ADCY9: variants seen among roughly 807,000 people sequenced by gnomAD.
ADCY9 encodes the protein adenylate cyclase type 9.
A neutral mutation model predicts 101.5 loss-of-function variants in ADCY9; 50 were observed. That is an observed-to-expected ratio of 0.49 (90% CI 0.39 to 0.62). The LOEUF is 0.62. Ranked by LOEUF, ADCY9 falls within the 20% of genes least tolerant of loss-of-function variation. ADCY9 has a pLI of 0.00. For synonymous variants in ADCY9, 905 were observed against 769.3 expected (o/e 1.18, Z -2.92); for missense variants, 1,662 against 1,800.4 (o/e 0.92, Z 1.39).
rs192137288 is a variant in ADCY9, at chr16:4,053,643, T to A, written c.1694-46085A>T. 1.9e-3 allele frequency among the ~76,000 whole-genome samples: 280 copies of A among 150,838 alleles called. 3 individuals are homozygous for A. Among genetic ancestry groups the A allele is most frequent in the Admixed American group, 3.3e-3 (50 of 15,054 alleles). The stretch of plus-strand genomic sequence containing the variant: ...TTTTGGAGACTGAAAATAACATTTT[T>A]AAAAAACTGCCAACCGGCAAGGTCA... On this transcript the variant is annotated intron_variant, in intron 2 of 10. Coordinates refer to ENST00000294016, the MANE Select transcript of ADCY9 (RefSeq NM_001116.4).
intron 2 of ADCY9, among the ~76,000 whole-genome samples, chr16:4,012,475 C>CAAAAAAA (rs35681254): frequency 7.2e-6 from 1 of 139,006 alleles, no homozygotes. Flanking sequence ...GCAGAAGGTC[C>CAAAAAAA]AAAAAAAAAA....
At chr16:4,080,095 A>G (rs1186301563) in intron 2 of ADCY9, among the ~76,000 whole-genome samples, 1 of 152,200 alleles carries the variant, frequency 6.6e-6, no homozygotes, top group African/African-American at 2.4e-5. Flanking sequence ...ATTAATTCAA[A>G]GAAATACTAT....
At chr16:3,968,219 G>A (rs527480006) in intron 10 of ADCY9, among the ~76,000 whole-genome samples, 3 of 151,674 alleles carry the variant, frequency 2.0e-5, no homozygotes, top group Non-Finnish European at 4.4e-5. Flanking sequence ...TACAACCTCC[G>A]CCTCCCGGGT....
Position 4,114,591 on chromosome 16 carries a change from C to T in ADCY9, c.852G>A (p.Arg284=). The T allele has an allele frequency of 6.2e-7, 1 of 1,613,894 alleles. No homozygotes were observed. The highest frequency in any genetic ancestry group is 8.5e-7 in the Non-Finnish European group (1 of 1,180,048). ...AGALHWELLS[R]GLLHGCIHAI... ...CGTGGATGCAGCCGTGGAGCAGCCC[C>T]CTGCTCAGCAGCTCCCAGTGCAGGG... is the stretch of plus-strand genomic sequence containing the variant. The change falls in exon 2 of 11, where the codon AGG becomes AGA. Residue 284 remains arginine (R), a synonymous_variant. Coordinates refer to ENST00000294016, the MANE Select transcript of ADCY9 (RefSeq NM_001116.4). The surrounding 1 kb of genome is among the most constrained non-coding windows in gnomAD (Gnocchi z 4.3).
intron 2 of ADCY9, among the ~76,000 whole-genome samples, chr16:4,108,059 G>A (rs964254098): frequency 2.0e-5 from 3 of 152,162 alleles, no homozygotes; most frequent in Non-Finnish European, 2.9e-5. Context: ...ATCACTCCCT[G>A]GTATTCCCCT....
intron 2 of ADCY9, among the ~76,000 whole-genome samples, chr16:4,049,199 A>G (rs1468118452): frequency 6.6e-6 from 1 of 152,200 alleles, no homozygotes; most frequent in Admixed American, 6.5e-5. Flanking sequence ...TCTGCTCCAA[A>G]CGGCCACGCA....
chr16:4,040,417 T>C lies in ADCY9; in HGVS notation c.1694-32859A>G, dbSNP rs558226252. ...ATATTTCCTGGTTTCCTCTTCTTCT[T>C]TACTTAACAAAGAACTGCTCATTAA... On this transcript the variant is annotated intron_variant, in intron 2 of 10. Coordinates refer to ENST00000294016, the MANE Select transcript of ADCY9 (RefSeq NM_001116.4). 7.2e-5 allele frequency among the ~76,000 whole-genome samples: 11 copies of C among 152,268 alleles called. No homozygotes were observed. The East Asian group carries it at 1.5e-3, about 21-fold the overall frequency.
At chr16:4,034,652 CA>C (rs1460290964) in intron 2 of ADCY9, among the ~76,000 whole-genome samples, 5 of 152,200 alleles carry the variant, frequency 3.3e-5, no homozygotes, top group Non-Finnish European at 5.9e-5. Context: ...CTCCTGACCT[CA>C]AGTGATCTGC....
chr16:4,021,643 G>C (rs1449505463), intron 2 of ADCY9, among the ~76,000 whole-genome samples: 4 of 152,220 alleles, frequency 2.6e-5, no homozygotes, highest in African/African-American at 7.2e-5. Flanking sequence ...CCCTGCAGCT[G>C]ACTCATCTGC....
intron 5 of ADCY9, among the ~76,000 whole-genome samples, chr16:3,956,503 T>TTTTTTTTTTTGCG (rs55792938): frequency 1.4e-5 from 1 of 69,496 alleles, no homozygotes; most frequent in African/African-American, 4.0e-5. Flanking sequence ...TTTTTTTTTT[T>TTTTTTTTTTTGCG]GGGGGGGGAT....
intron 2 of ADCY9, among the ~76,000 whole-genome samples, chr16:4,057,100 TA>T (rs1186607062): frequency 7.2e-6 from 1 of 139,698 alleles, no homozygotes; most frequent in African/African-American, 2.8e-5. Context: ...GGTTTTGGCA[TA>T]AAAAAAACAA....
intron 2 of ADCY9, among the ~76,000 whole-genome samples, chr16:4,035,750 G>C (rs541585731): frequency 5.9e-5 from 9 of 152,142 alleles, no homozygotes; most frequent in African/African-American, 1.7e-4. Context: ...TGGAATCCCA[G>C]CACTTTGGGA....
intron 2 of ADCY9, among the ~76,000 whole-genome samples, chr16:4,087,463 G>C (rs1247394345): frequency 6.6e-6 from 1 of 150,464 alleles, no homozygotes; most frequent in Non-Finnish European, 1.5e-5. Context: ...TTGAACCCAA[G>C]AGGTGGATGC....
intron 6 of ADCY9, among the ~76,000 whole-genome samples, chr16:3,985,199 G>C (rs1224879573): frequency 2.7e-5 from 4 of 149,212 alleles, no homozygotes; most frequent in Admixed American, 2.7e-4. Context: ...GAGTGCAGTG[G>C]CGCGATCTTG....
rs2057103719 is a variant in ADCY9 at position 4,110,070 on chromosome 16, A to G, written c.1693+3680T>C. 2.6e-5 allele frequency among the ~76,000 whole-genome samples: 4 copies of G among 152,294 alleles called. No homozygotes were observed. In the South Asian group the frequency reaches 8.3e-4, roughly 32 times the overall value. On this transcript the variant is annotated intron_variant, in intron 2 of 10. Coordinates refer to ENST00000294016, the MANE Select transcript of ADCY9 (RefSeq NM_001116.4). ...CAGCCTGATCTCAGGACCCAGCTCC[A>G]GCAGGAGCCCCCTCTAAAGCGCTCC...
At chr16:3,999,459 G>A (rs1267282415) in intron 3 of ADCY9, among the ~76,000 whole-genome samples, 1 of 151,796 alleles carries the variant, frequency 6.6e-6, no homozygotes, top group Admixed American at 6.6e-5. Context: ...ATATGGCTCT[G>A]GCCCCCTTTC....
chr16:4,069,813 C>T (rs937057631), intron 2 of ADCY9, among the ~76,000 whole-genome samples: 3 of 152,048 alleles, frequency 2.0e-5, no homozygotes, highest in Non-Finnish European at 4.4e-5. Flanking sequence ...GTATATAATG[C>T]GGCCAGGCAT....
At chr16:4,093,105 T>C (rs776555853) in intron 2 of ADCY9, among the ~76,000 whole-genome samples, 1 of 152,240 alleles carries the variant, frequency 6.6e-6, no homozygotes, top group African/African-American at 2.4e-5. Flanking sequence ...TCCATTTTTA[T>C]GAAAGTGCTT....
intron 2 of ADCY9, among the ~76,000 whole-genome samples, chr16:4,098,884 A>G (rs1402386228): frequency 1.4e-5 from 2 of 147,644 alleles, no homozygotes; most frequent in Non-Finnish European, 3.0e-5. Flanking sequence ...CAGGTCATCT[A>G]CATTTTGGTT....
Sources: gnomAD v4.1 joint callset for allele counts (sites outside exome capture counted in the v4.1 genomes callset) on GRCh38, gnomAD v4.1.1 for gene constraint, Gnocchi (gnomAD v3.1) non-coding constraint, MANE v1.5 for transcripts, NCBI Gene and HGNC (gene_info 2026-07-23, HGNC 2026-07-21) for gene names.